Variants in TESK2 observed in about 807,000 individuals in gnomAD.
TESK2 encodes the protein dual specificity testis-specific protein kinase 2.
In TESK2, 39 loss-of-function variants were observed where a neutral mutation model predicts 57.1. That is an observed-to-expected ratio of 0.68 (90% CI 0.53 to 0.89). TESK2 has a LOEUF of 0.89. Among genes scored for constraint, TESK2 ranks in the 40% least tolerant of loss-of-function variants. The pLI, the probability that TESK2 is intolerant of heterozygous loss-of-function variation, is 0.00. For missense variants in TESK2, 646 were observed against 732.1 expected (o/e 0.88, Z 1.36); for synonymous variants, 249 against 267.9 (o/e 0.93, Z 0.69).
At chr1:45,361,497 C>T (rs926365180) in intron 4 of TESK2, among the ~76,000 whole-genome samples, 3 of 151,992 alleles carry the variant, frequency 2.0e-5, no homozygotes, top group Non-Finnish European at 4.4e-5. Flanking sequence ...TTTTCTATAC[C>T]AACTTTACCT....
chr1:45,357,880 G>C (rs148022411), intron 4 of TESK2, among the ~76,000 whole-genome samples: 4,477 of 151,802 alleles, frequency 0.029, 99 homozygotes, highest in Non-Finnish European at 0.047. Context: ...TGGCGCATGC[G>C]TGTAATCCCA....
intron 4 of TESK2, among the ~76,000 whole-genome samples, chr1:45,363,009 C>T (rs955005038): frequency 1.3e-5 from 2 of 151,850 alleles, no homozygotes; most frequent in African/African-American, 2.4e-5. Context: ...GTTAGGATAA[C>T]CAAGGCCTGA....
intron 2 of TESK2, among the ~76,000 whole-genome samples, chr1:45,425,230 T>C (rs553249816): frequency 6.6e-6 from 1 of 152,254 alleles, no homozygotes; most frequent in East Asian, 1.9e-4. Context: ...AAAATCAACA[T>C]ACAAAAATCA....
chr1:45,405,681 G>A (rs998499287), intron 3 of TESK2, among the ~76,000 whole-genome samples: 2 of 150,196 alleles, frequency 1.3e-5, no homozygotes, highest in Admixed American at 6.7e-5. Context: ...AAATCTTAGT[G>A]TGTGTATATA....
At chr1:45,367,400 C>T (rs867615161) in intron 4 of TESK2, among the ~76,000 whole-genome samples, 1 of 151,080 alleles carries the variant, frequency 6.6e-6, no homozygotes, top group African/African-American at 2.4e-5. Flanking sequence ...GTTCCTCGTT[C>T]TCCTTTTTTT....
rs146309790 is a variant in TESK2 at position 45,427,248 on chromosome 1, A to G, written c.223-5402T>C. Among the ~76,000 whole-genome samples, 3 of 67,512 alleles carry G rather than the reference A, an allele frequency of 4.4e-5. No individual in the cohort carries two copies. In the East Asian group the frequency reaches 1.2e-3, roughly 27 times the overall value. 44.3% of individuals were successfully genotyped at this position (67,512 alleles called of 152,430 possible). A position where few individuals can be genotyped will look rare whatever the true frequency, so the allele number is the denominator to read the frequency against. On this transcript the variant is annotated intron_variant, in intron 2 of 10. Coordinates refer to ENST00000372086, the MANE Select transcript of TESK2 (RefSeq NM_007170.3). ...AGACTCTGTCTCAAAAAAAAAAAAAAAAAAAAAAAAAGAATTCTTGCAAAG... is the reference window on the plus strand; with the variant it reads ...AGACTCTGTCTCAAAAAAAAAAAAAGAAAAAAAAAAAGAATTCTTGCAAAG...
intron 3 of TESK2, among the ~76,000 whole-genome samples, chr1:45,415,717 G>A (rs951529554): frequency 5.3e-5 from 8 of 152,094 alleles, no homozygotes; most frequent in Non-Finnish European, 7.4e-5. Flanking sequence ...TAACAACTCC[G>A]TAAAATATTT....
intron 4 of TESK2, among the ~76,000 whole-genome samples, chr1:45,382,440 T>G (rs984711347): frequency 1.3e-5 from 2 of 152,204 alleles, no homozygotes; most frequent in African/African-American, 4.8e-5. Flanking sequence ...GCTTTTGCCA[T>G]GTTGCCCAGG....
intron 4 of TESK2, among the ~76,000 whole-genome samples, chr1:45,379,927 T>C (rs1648588211): frequency 6.6e-6 from 1 of 152,148 alleles, no homozygotes; most frequent in South Asian, 2.1e-4. Flanking sequence ...CTCGCTCTGT[T>C]GCCTAGAGCT....
At chr1:45,402,156 A>G (rs1269986830) in intron 3 of TESK2, among the ~76,000 whole-genome samples, 1 of 151,606 alleles carries the variant, frequency 6.6e-6, no homozygotes, top group Non-Finnish European at 1.5e-5. Flanking sequence ...TTGGGAGATC[A>G]AGGTGGGAGG....
intron 3 of TESK2, 48 bp downstream of exon 3, chr1:45,421,677 C>T: frequency 1.9e-6 from 3 of 1,611,076 alleles, no homozygotes; most frequent in South Asian, 1.1e-5. Context: ...TAGCAAGCCT[C>T]CAATGTTTCA....
chr1:45,355,557 T>G, intron 4 of TESK2, 108 bp from the exon 5 acceptor site: 1 of 1,305,116 alleles, frequency 7.7e-7, no homozygotes, highest in Admixed American at 2.6e-5. Flanking sequence ...ATTTTTTTTT[T>G]AAGTTACTGA....
Position 45,386,032 on chromosome 1 carries a change from T to C in TESK2, c.345-72A>G, listed in dbSNP as rs956406911. Reference sequence around the variant, plus strand: ...ATAAATTCATATAGAGAAATCAGGTTAGTTACCCATGCATTAGAAACAACC... The same window carrying C: ...ATAAATTCATATAGAGAAATCAGGTCAGTTACCCATGCATTAGAAACAACC... On this transcript the variant is annotated intron_variant, in intron 3 of 10. Coordinates refer to ENST00000372086, the MANE Select transcript of TESK2 (RefSeq NM_007170.3). The C allele has an allele frequency of 1.5e-5, 18 of 1,223,892 alleles. No individual in the cohort carries two copies. The African/African-American group carries it at 2.6e-4, about 17-fold the overall frequency. 75.8% of individuals were successfully genotyped at this position (1,223,892 alleles called of 1,614,324 possible).
At chr1:45,345,693 G>C (rs1039380095) in intron 10 of TESK2, 135 bp from the exon 11 acceptor site, 6 of 970,942 alleles carry the variant, frequency 6.2e-6, no homozygotes, top group East Asian at 2.4e-5. Context: ...AACAGACTCA[G>C]AGAGGGGAAG....
rs202187334 is a variant in TESK2 at position 45,384,427 on chromosome 1, C to G, written c.393+1485G>C. Among the ~76,000 whole-genome samples the G allele has an allele frequency of 1.3e-3, 178 of 141,990 alleles. 2 individuals are homozygous for G. The highest frequency in any genetic ancestry group is 9.6e-3 in the East Asian group (45 of 4,704). The allele number at this position is 141,990 out of a possible 152,430, so 93.2% of individuals were successfully genotyped here. ...TCTATCTATCTATCTATCTATCTATCTATGTATCTAGAGACAGGGTCTCAC... is the reference window on the plus strand; with the variant it reads ...TCTATCTATCTATCTATCTATCTATGTATGTATCTAGAGACAGGGTCTCAC... On this transcript the variant is annotated intron_variant, in intron 4 of 10. Transcript: ENST00000372086.
At chr1:45,473,980 T>A (rs970045140) in intron 1 of TESK2, among the ~76,000 whole-genome samples, 9 of 152,044 alleles carry the variant, frequency 5.9e-5, no homozygotes, top group African/African-American at 2.2e-4. Flanking sequence ...GAAGTTTTAA[T>A]AAGCACGACT....
In TESK2 at chr1:45,344,966, C is replaced by A. The variant is rs773471205; in HGVS notation, c.1590G>T (p.Gly530=). ...EENGFGSRPQ[G]TSPCPAGASE... ...AAGCACCCGCAGGGCATGGACTGGT[C>A]CCCTGGGGCCTGGACCCAAAACCAT... is the stretch of plus-strand genomic sequence containing the variant. Residue 530 remains glycine, a synonymous_variant, in exon 11 of 11, where the codon GGG becomes GGT. Coordinates refer to ENST00000372086, the MANE Select transcript of TESK2 (RefSeq NM_007170.3). The A allele has an allele frequency of 2.3e-5, 37 of 1,614,230 alleles. No homozygotes were observed. Among genetic ancestry groups the A allele is most frequent in the Non-Finnish European group, 3.1e-5 (37 of 1,180,046 alleles).
At chr1:45,488,102 C>T (rs764623975) in intron 1 of TESK2, among the ~76,000 whole-genome samples, 1 of 151,922 alleles carries the variant, frequency 6.6e-6, no homozygotes, top group Non-Finnish European at 1.5e-5. Flanking sequence ...TCTGTAGAGA[C>T]GAGGTCTCAC....
At chr1:45,385,766 A>G (rs1648869037) in intron 4 of TESK2, 146 bp downstream of exon 4, 4 of 286,978 alleles carry the variant, frequency 1.4e-5, no homozygotes, top group Non-Finnish European at 6.6e-6. Flanking sequence ...CCCAGGCAAC[A>G]GAATAAAGCA....
Sources: gnomAD v4.1 joint callset for allele counts (sites outside exome capture counted in the v4.1 genomes callset) on GRCh38, gnomAD v4.1.1 for gene constraint, MANE v1.5 for transcripts, NCBI Gene and HGNC (gene_info 2026-07-23, HGNC 2026-07-21) for gene names.